The following GCSAML variants were observed in gnomAD, a reference collection of about 807,000 sequenced individuals.
GCSAML encodes the protein germinal center-associated signaling and motility-like protein.
A neutral mutation model predicts 13.0 loss-of-function variants in GCSAML; 9 were observed. That is an observed-to-expected ratio of 0.69 (90% CI 0.42 to 1.21). The LOEUF (loss-of-function observed/expected upper bound fraction) is 1.21. Ranked by LOEUF, GCSAML falls within the 50% of genes most tolerant of loss-of-function variation. GCSAML has a pLI of 0.00. For synonymous variants in GCSAML, 37 were observed against 52.9 expected, an observed-to-expected ratio of 0.70 and a Z score of 1.31; for missense variants, 143 against 153.4, an observed-to-expected ratio of 0.93 and a Z score of 0.36.
intron 2 of GCSAML, chr1:247,532,589 C>T (rs1056144695): frequency 8.5e-6 from 11 of 1,289,184 alleles, no homozygotes; most frequent in East Asian, 7.0e-5. Flanking sequence ...GAAGCAATTA[C>T]ATCAGTTAGC....
At chr1:247,519,782 A>C (rs1230790170) in intron 1 of GCSAML, among the ~76,000 whole-genome samples, 1 of 152,206 alleles carries the variant, frequency 6.6e-6, no homozygotes, top group Non-Finnish European at 1.5e-5. Context: ...CTTCCAAGCA[A>C]CCCATATGTC....
At chr1:247,547,301 G>T (rs1479727413), upstream of GCSAML, among the ~76,000 whole-genome samples, 1 of 152,168 alleles carries the variant, frequency 6.6e-6, no homozygotes, top group Admixed American at 6.5e-5. Flanking sequence ...GATACCTACG[G>T]CTTACTGAGA....
chr1:247,541,829 G>A (rs1163710254), intron 2 of GCSAML, among the ~76,000 whole-genome samples: 1 of 151,892 alleles, frequency 6.6e-6, no homozygotes, highest in East Asian at 1.9e-4. Flanking sequence ...GCCCAACATG[G>A]TGAAAACCTG....
intron 2 of GCSAML, among the ~76,000 whole-genome samples, chr1:247,541,881 G>A (rs148160735): frequency 7.8e-4 from 119 of 151,890 alleles, no homozygotes; most frequent in African/African-American, 1.7e-3. Flanking sequence ...ATGGTGGTGC[G>A]TGCCTGTAGT....
rs146484773 is a variant in GCSAML at position 247,531,921 on chromosome 1, C to T, written c.-148+4867C>T. On this transcript the variant is annotated intron_variant, in intron 2 of 5. Coordinates refer to the GCSAML transcript ENST00000366489. ...CAAAGCTGGCCAGGTACATCTCCAT[C>T]TCATTGAGGCTGGTATCCACACAAG... The T allele has an allele frequency of 4.7e-4, 760 of 1,614,196 alleles. 1 individual carries two copies. The highest frequency in any genetic ancestry group is 1.5e-3 in the African/African-American group (114 of 75,048).
chr1:247,562,082 A>G (rs1434659784), intron 2 of GCSAML, among the ~76,000 whole-genome samples: 2 of 152,144 alleles, frequency 1.3e-5, no homozygotes, highest in Non-Finnish European at 2.9e-5. Context: ...AAATAAATAC[A>G]TGGAGATTAT....
intron 1 of GCSAML, among the ~76,000 whole-genome samples, chr1:247,517,331 T>C (rs1666244818): frequency 1.3e-5 from 2 of 152,198 alleles, no homozygotes; most frequent in Admixed American, 6.5e-5. Flanking sequence ...CTCTTTCCTA[T>C]CTAAACCTGC....
chr1:247,541,056 T>A (rs192984751), intron 2 of GCSAML, among the ~76,000 whole-genome samples: 1 of 152,348 alleles, frequency 6.6e-6, no homozygotes, highest in East Asian at 1.9e-4. Context: ...TAAGTGACAG[T>A]TACACTACTC....
chr1:247,521,060 A>G (rs1248805556), intron 1 of GCSAML, among the ~76,000 whole-genome samples: 2 of 152,090 alleles, frequency 1.3e-5, no homozygotes, highest in Non-Finnish European at 2.9e-5. Flanking sequence ...GTGTTAGAAA[A>G]AAATTTTATT....
intron 1 of GCSAML, among the ~76,000 whole-genome samples, chr1:247,523,385 T>G (rs999952893): frequency 1.3e-5 from 2 of 152,224 alleles, no homozygotes; most frequent in Non-Finnish European, 2.9e-5. Flanking sequence ...TACTTAAGTC[T>G]CTGCAGAAAC....
Position 247,574,200 on chromosome 1 carries a change from C to G in GCSAML, c.226C>G (p.Pro76Ala), listed in dbSNP as rs1182835722. 6.2e-7 allele frequency: 1 copy of G among 1,613,736 alleles called. No individual in the cohort carries two copies. Among genetic ancestry groups the G allele is most frequent in the Non-Finnish European group, 8.5e-7 (1 of 1,179,812 alleles). The change falls in exon 5 of 5, where the codon CCC becomes GCC. Residue 76 changes from proline (P) to alanine (A), a missense_variant. Physicochemically the swap from Pro to Ala is conservative, Grantham distance 27. Transcript: ENST00000366488. ...GTGCTACACTGTCATTAATCACATCCCCCATCAGAGATCCTCCCTGAGCTC... is the reference window on the plus strand; with the variant it reads ...GTGCTACACTGTCATTAATCACATCGCCCATCAGAGATCCTCCCTGAGCTC... Reference protein sequence around the residue: ...EVCYTVINHIPHQRSSLSSND... With the variant: ...EVCYTVINHIAHQRSSLSSND...
At chr1:247,552,344 TGTG>T (rs1667804445) in intron 1 of GCSAML, among the ~76,000 whole-genome samples, 1 of 152,158 alleles carries the variant, frequency 6.6e-6, no homozygotes, top group African/African-American at 2.4e-5. Context: ...GGATCACAGA[TGTG>T]GTGTGAGAGA....
chr1:247,522,028 C>T (rs1397132783), intron 1 of GCSAML, among the ~76,000 whole-genome samples: 6 of 151,978 alleles, frequency 3.9e-5, no homozygotes, highest in East Asian at 2.0e-4. Context: ...TCTGCCCGGC[C>T]GCAACCCCGT....
At chr1:247,510,532 C>A (rs893850999) in intron 1 of GCSAML, among the ~76,000 whole-genome samples, 1 of 151,980 alleles carries the variant, frequency 6.6e-6, no homozygotes, top group African/African-American at 2.4e-5. Context: ...TATTTCTTGT[C>A]TTCTGCTAGC....
chr1:247,574,720 G>A lies in GCSAML; in HGVS notation c.*338G>A, dbSNP rs1018322931. 7.3e-5 allele frequency: 18 copies of A among 247,180 alleles called. No homozygotes were observed. Among genetic ancestry groups the A allele is most frequent in the Non-Finnish European group, 1.3e-4 (17 of 127,446 alleles). 15.3% of individuals were successfully genotyped at this position (247,180 alleles called of 1,614,324 possible). On this transcript the variant is annotated 3_prime_UTR_variant, in exon 5 of 5. Coordinates refer to ENST00000366488, the MANE Select transcript of GCSAML (RefSeq NM_145278.5). ...GACTAACTGAATGGACCCTCTTCTA[G>A]GCCAAAGAGACCTCAGATGAACCTG...
chr1:247,532,724 G>T, intron 2 of GCSAML: 1 of 570,162 alleles, frequency 1.8e-6, no homozygotes, highest in Non-Finnish European at 3.1e-6. Flanking sequence ...AACTTCCTTG[G>T]TAGGTTGAGA....
chr1:247,557,690 C>T (rs1371251625), intron 2 of GCSAML, among the ~76,000 whole-genome samples: 3 of 152,130 alleles, frequency 2.0e-5, no homozygotes, highest in African/African-American at 7.2e-5. Flanking sequence ...CATGAGTCAG[C>T]CCTCAGGGAC....
rs755384600 is a variant in GCSAML, at chr1:247,532,003, C to T, written c.-148+4949C>T. 17 of 1,614,028 alleles carry T rather than the reference C, an allele frequency of 1.1e-5. No homozygotes were observed. In the South Asian group the frequency reaches 1.9e-4, roughly 18 times the overall value. On this transcript the variant is annotated intron_variant, in intron 2 of 5. Transcript: ENST00000366489. ...GAAGTGGTCGATGCAATTGTTCCCA[C>T]ACAGCGGTAGGAGCATGGTGAGCGT...
intron 2 of GCSAML, among the ~76,000 whole-genome samples, chr1:247,536,924 T>C (rs1247340563): frequency 6.6e-6 from 1 of 152,230 alleles, no homozygotes; most frequent in African/African-American, 2.4e-5. Flanking sequence ...GATAATGTTT[T>C]TCTTAATAAG....
Sources: gnomAD v4.1 joint callset for allele counts (sites outside exome capture counted in the v4.1 genomes callset) on GRCh38, gnomAD v4.1.1 for gene constraint, MANE v1.5 for transcripts, NCBI Gene and HGNC (gene_info 2026-07-23, HGNC 2026-07-21) for gene names.